Variants in FXR2 observed in about 807,000 individuals in gnomAD.
FXR2 encodes the protein FMR1 autosomal homolog 2, also known as RNA-binding protein FXR2.
FXR2 carries 9 observed loss-of-function variants against 87.3 expected under a neutral mutation model. The ratio of observed to expected loss-of-function variants is 0.10; its 90% CI spans 0.06 to 0.18. FXR2 has a LOEUF of 0.18. Ranked by LOEUF, FXR2 falls within the 10% of genes least tolerant of loss-of-function variation. The probability of loss-of-function intolerance (pLI) is 1.00; values close to 1 mark genes in which losing one functional copy is unlikely to be tolerated. For missense variants in FXR2, 661 were observed against 893.6 expected, an observed-to-expected ratio of 0.74 and a Z score of 3.32; for synonymous variants, 331 against 328.3, an observed-to-expected ratio of 1.01 and a Z score of -0.09.
chr17:7,592,910 AGAG>A lies in FXR2; in HGVS notation c.1529-19_1529-17del, dbSNP rs750165734. 123 of 1,556,204 alleles carry A rather than the reference AGAG, an allele frequency of 7.9e-5. 4 individuals carry two copies. In the African/African-American group the frequency reaches 1.5e-3, roughly 20 times the overall value. On this transcript the variant is annotated splice_polypyrimidine_tract_variant and intron_variant, in intron 13 of 16. Transcript: ENST00000250113. This position sits in a 1 kb window ranked among gnomAD's most constrained non-coding sequence, Gnocchi z 4.8. Reference sequence around the variant, plus strand: ...TCCTTCAGCACTGGTCAGAGGAAGAAGAGGAGGAGTTGGCAGTCAGGTGCCCAT... The same window carrying A: ...TCCTTCAGCACTGGTCAGAGGAAGAAGAGGAGTTGGCAGTCAGGTGCCCAT...
rs1555570965 is a variant in FXR2, at chr17:7,592,642, A to C, written c.1730-43T>G. ...ACCAGAGTCACACATCCAACCTCCC[A>C]CCCTCGATTCCTACCCATCTCTAAC... On this transcript the variant is annotated intron_variant, in intron 14 of 16. Coordinates refer to ENST00000250113, the MANE Select transcript of FXR2 (RefSeq NM_004860.4). This position sits in a 1 kb window ranked among gnomAD's most constrained non-coding sequence, Gnocchi z 4.8. The C allele has an allele frequency of 5.6e-6, 9 of 1,611,698 alleles. No homozygotes were observed. The highest frequency in any genetic ancestry group is 7.6e-6 in the Non-Finnish European group (9 of 1,178,436).
At chr17:7,609,921 CAT>C (rs2071836591) in intron 1 of FXR2, among the ~76,000 whole-genome samples, 1 of 130,536 alleles carries the variant, frequency 7.7e-6, no homozygotes, top group Non-Finnish European at 1.6e-5. Context: ...TGTATATATA[CAT>C]GTATATGTAT....
chr17:7,612,549 G>A (rs1250165190), intron 1 of FXR2, among the ~76,000 whole-genome samples: 1 of 152,054 alleles, frequency 6.6e-6, no homozygotes, highest in Admixed American at 6.6e-5. Flanking sequence ...GGTGATTCCT[G>A]GGGATTACAC....
chr17:7,592,266 A>G lies in FXR2; in HGVS notation c.1914T>C (p.Leu638=). The part of the protein sequence containing the change: ...LERTKPSEDS[L]SGQKGDSVSK... ...CTTGCCTGCCTACCTTCTGTCCTGA[A>G]AGAGAGTCTTCTGAGGGTTTAGTGC... Residue 638 remains leucine, a synonymous_variant, in exon 16 of 17, where the codon CTT becomes CTC. Coordinates refer to ENST00000250113, the MANE Select transcript of FXR2 (RefSeq NM_004860.4). This position sits in a 1 kb window ranked among gnomAD's most constrained non-coding sequence, Gnocchi z 4.8. 6.2e-7 allele frequency: 1 copy of G among 1,611,250 alleles called. No individual in the cohort carries two copies. The highest frequency in any genetic ancestry group is 1.7e-5 in the Admixed American group (1 of 60,008).
In FXR2 at chr17:7,593,442, C is replaced by T. The variant is rs757985705; in HGVS notation, c.1291G>A (p.Gly431Ser). The T allele has an allele frequency of 6.3e-6, 10 of 1,587,220 alleles. No individual in the cohort carries two copies. The African/African-American group carries it at 1.3e-4, about 21-fold the overall frequency. ...CCTGTCCTCCGGCCACGGCCACGGC[C>T]CCCATAGCTGCCCCCATAGGTTCGA... is the stretch of plus-strand genomic sequence containing the variant. ...ATRTYGGSYG[G>S]RGRGRRTGGP... The change falls in exon 12 of 17, where the codon GGC (glycine) becomes AGC (serine). Residue 431 changes from glycine to serine, a missense_variant. Physicochemically the swap from Gly to Ser is moderately conservative, Grantham distance 56. Transcript: ENST00000250113. The surrounding 1 kb of genome is among the most constrained non-coding windows in gnomAD (Gnocchi z 6.1).
chr17:7,599,659 C>T (rs925677211), intron 7 of FXR2, among the ~76,000 whole-genome samples: 3 of 152,130 alleles, frequency 2.0e-5, no homozygotes, highest in Admixed American at 6.5e-5. Flanking sequence ...GGCGGATCAC[C>T]TGAGGTCCAT....
At position 7,604,025 on chromosome 17, in the gene FXR2, C is replaced by A; in HGVS notation, c.284G>T (p.Arg95Leu). The change falls in exon 4 of 17, where the codon CGG (arginine) becomes CTG (leucine). Residue 95 changes from arginine to leucine, a missense_variant. By Grantham distance (102) the Arg-to-Leu change is moderately radical (BLOSUM62 -2). Coordinates refer to ENST00000250113, the MANE Select transcript of FXR2 (RefSeq NM_004860.4). The stretch of plus-strand genomic sequence containing the variant: ...GTCACTCACATCTCCCTTCATCATC[C>A]GCACCCGGGCCAGCCACCAGCCACA... Reference protein sequence around the residue: ...EPCGWWLARVRMMKGDFYVIE... With the variant: ...EPCGWWLARVLMMKGDFYVIE... 1 of 1,588,388 alleles carries A rather than the reference C, an allele frequency of 6.3e-7. No homozygotes were observed. The highest frequency in any genetic ancestry group is 2.3e-5 in the East Asian group (1 of 43,246).
At chr17:7,610,937 C>T (rs1275291078) in intron 1 of FXR2, among the ~76,000 whole-genome samples, 1 of 152,188 alleles carries the variant, frequency 6.6e-6, no homozygotes, top group East Asian at 1.9e-4. Flanking sequence ...TGGTCCCCAC[C>T]TTCACCGTCT....
rs1258996266 is a variant in FXR2 at position 7,603,781 on chromosome 17, G to T, written c.425C>A (p.Ala142Asp). Residue 142 changes from alanine to aspartate, a missense_variant, in exon 5 of 17, where the codon GCT becomes GAT. Transcript: ENST00000250113. ...TKGSFFKVTM[A>D]VPEDLREACS... ...CGCTTCTCTCAGATCCTCGGGCACA[G>T]CCATGGTAACCTTGAAGAAGCTGCC... is the stretch of plus-strand genomic sequence containing the variant. The T allele has an allele frequency of 2.5e-6, 4 of 1,613,804 alleles. No homozygotes were observed. In the East Asian group the frequency reaches 8.9e-5, roughly 36 times the overall value.
In FXR2 at chr17:7,592,998, G is replaced by A. The variant is rs1447847722; in HGVS notation, c.1514C>T (p.Ser505Leu). Residue 505 changes from serine (S) to leucine (L), a missense_variant, in exon 13 of 17, where the codon TCA becomes TTA. Ser to Leu is a moderately radical substitution (Grantham distance 145). Transcript: ENST00000250113. The surrounding 1 kb of genome is among the most constrained non-coding windows in gnomAD (Gnocchi z 4.8). Reference sequence around the variant, plus strand: ...CTGTCTGGTACCTGAGCTAATAGATGAAGAATTGTATCTCGAAGTGGGCCG... The same window carrying A: ...CTGTCTGGTACCTGAGCTAATAGATAAAGAATTGTATCTCGAAGTGGGCCG... ...APRPTSRYNS[S>L]SISSVLKDPD... is the part of the protein sequence containing the mutation. 2 of 1,572,738 alleles carry A rather than the reference G, an allele frequency of 1.3e-6. No homozygotes were observed. Among genetic ancestry groups the A allele is most frequent in the South Asian group, 1.2e-5 (1 of 85,096 alleles).
intron 7 of FXR2, among the ~76,000 whole-genome samples, chr17:7,598,548 A>G (rs1199698008): frequency 6.6e-6 from 1 of 152,120 alleles, no homozygotes; most frequent in Non-Finnish European, 1.5e-5. Context: ...CCCCCTCCTC[A>G]GCCTACCGTA....
Position 7,605,699 on chromosome 17 carries a change from C to A in FXR2, c.174G>T (p.Arg58=), listed in dbSNP as rs1156632039. Residue 58 remains arginine (R), a synonymous_variant, in exon 3 of 17, where the codon CGG becomes CGT. Transcript: ENST00000250113. ...TATTATAGTCAGCTGGAGGTGGTAG[C>A]CGGACATCCCCAAAAGGAATTTGTC... The part of the protein sequence containing the change: ...SERQIPFGDV[R]LPPPADYNKE... 1.3e-6 allele frequency: 2 copies of A among 1,597,960 alleles called. No homozygotes were observed. Among genetic ancestry groups the A allele is most frequent in the Admixed American group, 1.7e-5 (1 of 59,662 alleles).
chr17:7,610,562 C>T (rs2071855354), intron 1 of FXR2, among the ~76,000 whole-genome samples: 1 of 152,108 alleles, frequency 6.6e-6, no homozygotes, highest in Non-Finnish European at 1.5e-5. Flanking sequence ...CTTATATTTC[C>T]AGGGTCTTTT....
At chr17:7,596,036 T>TCA (rs750675830) in intron 7 of FXR2, 42 bp from the exon 8 acceptor site, 1 of 1,506,252 alleles carries the variant, frequency 6.6e-7, no homozygotes, top group Non-Finnish European at 9.2e-7. Flanking sequence ...TGGTAGAATC[T>TCA]CACAGTCCCA....
chr17:7,592,405 C>G lies in FXR2; in HGVS notation c.1826-51G>C, dbSNP rs1445350031. 6.5e-7 allele frequency: 1 copy of G among 1,543,882 alleles called. No homozygotes were observed. Among genetic ancestry groups the G allele is most frequent in the East Asian group, 2.2e-5 (1 of 44,536 alleles). ...TTCAGATGGAATTCTGGTAGCCAGC[C>G]TAAGACACCCACTGAACCCGAACCC... is the stretch of plus-strand genomic sequence containing the variant. On this transcript the variant is annotated intron_variant, in intron 15 of 16. Coordinates refer to ENST00000250113, the MANE Select transcript of FXR2 (RefSeq NM_004860.4). This position sits in a 1 kb window ranked among gnomAD's most constrained non-coding sequence, Gnocchi z 4.8.
At chr17:7,610,050 A>ATGTATG (rs1289490067) in intron 1 of FXR2, among the ~76,000 whole-genome samples, 1 of 27,592 alleles carries the variant, frequency 3.6e-5, no homozygotes, top group African/African-American at 2.7e-4. Flanking sequence ...ATATATATAC[A>ATGTATG]CACACACACA....
chr17:7,592,182 A>G lies in FXR2; in HGVS notation c.1926+72T>C, dbSNP rs748567858. 415 of 1,554,424 alleles carry G rather than the reference A, an allele frequency of 2.7e-4. No individual in the cohort carries two copies. Among genetic ancestry groups the G allele is most frequent in the Non-Finnish European group, 3.4e-4 (382 of 1,139,542 alleles). On this transcript the variant is annotated intron_variant, in intron 16 of 16. Transcript: ENST00000250113. The surrounding 1 kb of genome is among the most constrained non-coding windows in gnomAD (Gnocchi z 4.8). ...TCTGCAATTCAGTAGGAGATTTGTG[A>G]AATTTTTTGTGCCCCCTGCCCCAGA...
chr17:7,594,431 T>A lies in FXR2; in HGVS notation c.911-84A>T, dbSNP rs2071691587. Reference sequence around the variant, plus strand: ...GCTGATACACCGTCTTCCAGCCTCATTTTCTTTATATGGATTCCATTTACT... The same window carrying A: ...GCTGATACACCGTCTTCCAGCCTCAATTTCTTTATATGGATTCCATTTACT... On this transcript the variant is annotated intron_variant, in intron 9 of 16. Transcript: ENST00000250113. The surrounding 1 kb of genome is among the most constrained non-coding windows in gnomAD (Gnocchi z 5.1). 1.2e-6 allele frequency: 1 copy of A among 843,510 alleles called. No homozygotes were observed. The highest frequency in any genetic ancestry group is 1.9e-6 in the Non-Finnish European group (1 of 515,712). 52.3% of individuals were successfully genotyped at this position (843,510 alleles called of 1,614,324 possible).
chr17:7,604,775 G>A (rs1415690261), intron 3 of FXR2, among the ~76,000 whole-genome samples: 1 of 144,356 alleles, frequency 6.9e-6, no homozygotes, highest in African/African-American at 2.5e-5. Context: ...AGGCTGGAGT[G>A]CAATGGCACA....
Sources: allele counts gnomAD v4.1 joint callset (sites outside exome capture counted in the v4.1 genomes callset), GRCh38; gene constraint gnomAD v4.1.1; non-coding constraint Gnocchi (gnomAD v3.1); transcripts MANE v1.5; gene names NCBI Gene and HGNC (gene_info 2026-07-23, HGNC 2026-07-21).